NRXN1: variants seen among roughly 807,000 people sequenced by gnomAD.
NRXN1 encodes neurexin 1, also known as neurexin-1.
NRXN1 carries 39 observed loss-of-function variants against 150.9 expected under a neutral mutation model. The ratio of observed to expected loss-of-function variants is 0.26; its 90% CI spans 0.20 to 0.34. NRXN1 has a LOEUF of 0.34. Among genes scored for constraint, NRXN1 ranks in the 10% least tolerant of loss-of-function variants. NRXN1 has a pLI of 1.00. For missense variants in NRXN1, 1,815 were observed against 1,949.9 expected (o/e 0.93, Z 1.30); for synonymous variants, 924 against 757.0 (o/e 1.22, Z -3.62).
intron 18 of NRXN1, among the ~76,000 whole-genome samples, chr2:50,199,713 A>G (rs1249725678): frequency 6.6e-6 from 1 of 152,106 alleles, no homozygotes; most frequent in Non-Finnish European, 1.5e-5. Flanking sequence ...ATGCAATCAC[A>G]TTTTTATAAT....
At position 50,591,130 on chromosome 2, in the gene NRXN1, T is replaced by C. The variant is rs572178842; in HGVS notation, c.1320+28892A>G. Among the ~76,000 whole-genome samples, 5 of 152,180 alleles carry C rather than the reference T, an allele frequency of 3.3e-5. No individual in the cohort carries two copies. In the South Asian group the frequency reaches 6.2e-4, roughly 19 times the overall value. On this transcript the variant is annotated intron_variant, in intron 8 of 22. Coordinates refer to ENST00000401669, the MANE Select transcript of NRXN1 (RefSeq NM_001330078.2). ...TTCAACTAACAAACCAGTGGGGAGATGAAATAGAATAGAGCTGGTTCTTTG... is the reference window on the plus strand; with the variant it reads ...TTCAACTAACAAACCAGTGGGGAGACGAAATAGAATAGAGCTGGTTCTTTG...
At chr2:50,424,296 AGGAGGAGGAGGAGGG>A (rs1248519846) in intron 17 of NRXN1, among the ~76,000 whole-genome samples, 8 of 74,276 alleles carry the variant, frequency 1.1e-4, no homozygotes, top group Admixed American at 2.4e-4. Flanking sequence ...AGGAAGAAGA[AGGAGGAGGAGGAGGG>A]GGAGGAGGAG....
intron 18 of NRXN1, among the ~76,000 whole-genome samples, chr2:50,123,036 A>C (rs1704084507): frequency 6.6e-6 from 1 of 152,164 alleles, no homozygotes; most frequent in African/African-American, 2.4e-5. Flanking sequence ...ATTAGTAGTA[A>C]ATTTAAAATG....
intron 17 of NRXN1, among the ~76,000 whole-genome samples, chr2:50,265,389 A>ATAGG: frequency 6.6e-6 from 1 of 152,256 alleles, no homozygotes; most frequent in Non-Finnish European, 1.5e-5. Context: ...TACATATATT[A>ATAGG]TAGGTGCACC....
chr2:50,991,095 G>C (rs1443943184), intron 2 of NRXN1, among the ~76,000 whole-genome samples: 3 of 152,038 alleles, frequency 2.0e-5, no homozygotes, highest in Non-Finnish European at 4.4e-5. Context: ...AAATGAGACA[G>C]ACTTAGCTTT....
rs1166206682 is a variant in NRXN1 at position 50,677,326 on chromosome 2, G to A, written c.833-53711C>T. On this transcript the variant is annotated intron_variant, in intron 5 of 22. Transcript: ENST00000401669. ...CTCTTCCAGAATTTAACTTTGGCAT[G>A]TCTGTGTGCAGGCTATTGAAAGACT... is the stretch of plus-strand genomic sequence containing the variant. Among the ~76,000 whole-genome samples the A allele has an allele frequency of 2.6e-5, 4 of 152,250 alleles. No individual in the cohort carries two copies. In the East Asian group the frequency reaches 7.7e-4, roughly 29 times the overall value.
intron 21 of NRXN1, among the ~76,000 whole-genome samples, chr2:49,965,917 C>T (rs1169263022): frequency 1.3e-5 from 2 of 152,050 alleles, no homozygotes; most frequent in East Asian, 3.9e-4. Flanking sequence ...TGATATAAAG[C>T]CTAAAAATAC....
intron 18 of NRXN1, among the ~76,000 whole-genome samples, chr2:50,206,006 A>G (rs1230769010): frequency 6.6e-6 from 1 of 152,082 alleles, no homozygotes; most frequent in Non-Finnish European, 1.5e-5. Context: ...TGATGGTTGC[A>G]CAACTCCGTG....
At chr2:50,437,708 T>TTG (rs10531409) in intron 17 of NRXN1, among the ~76,000 whole-genome samples, 10,352 of 149,770 alleles carry the variant, frequency 0.069, 1,055 homozygotes, top group African/African-American at 0.23. Context: ...CTGGATGCAT[T>TTG]TGTGTGTGTG....
chr2:50,286,505 A>G (rs1381845025), intron 17 of NRXN1, among the ~76,000 whole-genome samples: 1 of 152,162 alleles, frequency 6.6e-6, no homozygotes, highest in Non-Finnish European at 1.5e-5. Flanking sequence ...GTGTATATAT[A>G]CCTTTTTAAA....
At chr2:50,766,196 T>C (rs1400203396) in intron 5 of NRXN1, among the ~76,000 whole-genome samples, 1 of 152,040 alleles carries the variant, frequency 6.6e-6, no homozygotes, top group African/African-American at 2.4e-5. Context: ...GGAGGTTTTC[T>C]ATCCATCAGA....
intron 17 of NRXN1, among the ~76,000 whole-genome samples, chr2:50,383,610 G>A (rs2081121814): frequency 6.6e-6 from 1 of 152,012 alleles, no homozygotes; most frequent in Admixed American, 6.6e-5. Context: ...CCCTACTATG[G>A]CTTTATTTTC....
intron 5 of NRXN1, among the ~76,000 whole-genome samples, chr2:50,746,754 T>C (rs768177233): frequency 8.5e-5 from 13 of 152,072 alleles, no homozygotes; most frequent in Non-Finnish European, 1.5e-4. Flanking sequence ...TTAAGGCTCA[T>C]AGTTCTGAAA....
intron 8 of NRXN1, among the ~76,000 whole-genome samples, chr2:50,555,981 C>T (rs984414703): frequency 6.6e-6 from 1 of 152,098 alleles, no homozygotes; most frequent in African/African-American, 2.4e-5. Flanking sequence ...CAACATAGTT[C>T]TTGTAGGTAA....
chr2:50,246,493 C>T (rs1328005052), intron 17 of NRXN1, among the ~76,000 whole-genome samples: 1 of 152,016 alleles, frequency 6.6e-6, no homozygotes, highest in Non-Finnish European at 1.5e-5. Context: ...AATGTTAGTT[C>T]TACTCATTTA....
chr2:50,674,675 T>A (rs1470282192), intron 5 of NRXN1, among the ~76,000 whole-genome samples: 2 of 152,008 alleles, frequency 1.3e-5, no homozygotes, highest in Non-Finnish European at 2.9e-5. Context: ...TTGTGATCAC[T>A]TACACATGGA....
chr2:50,032,613 A>G (rs1689346801), intron 21 of NRXN1, among the ~76,000 whole-genome samples: 1 of 152,064 alleles, frequency 6.6e-6, no homozygotes, highest in African/African-American at 2.4e-5. Flanking sequence ...TCATAGGTTG[A>G]AACCCTAACC....
intron 5 of NRXN1, among the ~76,000 whole-genome samples, chr2:50,738,550 A>G (rs1699046399): frequency 6.6e-6 from 1 of 152,204 alleles, no homozygotes; most frequent in African/African-American, 2.4e-5. Context: ...CTCAGCCATT[A>G]CAGTAAGCAG....
chr2:50,527,739 T>G (rs114145568), intron 12 of NRXN1, among the ~76,000 whole-genome samples: 1 of 151,930 alleles, frequency 6.6e-6, no homozygotes, highest in African/African-American at 2.4e-5. Context: ...CTGTGGGGAG[T>G]AGACTCCATC....
Sources: gnomAD v4.1 joint callset for allele counts (sites outside exome capture counted in the v4.1 genomes callset) on GRCh38, gnomAD v4.1.1 for gene constraint, MANE v1.5 for transcripts, NCBI Gene and HGNC (gene_info 2026-07-23, HGNC 2026-07-21) for gene names.